Variants in CREM observed in about 807,000 individuals in gnomAD.
CREM encodes the protein cAMP responsive element modulator.
CREM carries 13 observed loss-of-function variants against 37.3 expected under a neutral mutation model. The ratio of observed to expected loss-of-function variants is 0.35; its 90% CI spans 0.23 to 0.55. CREM has a LOEUF of 0.55. Ranked by LOEUF, CREM falls within the 20% of genes least tolerant of loss-of-function variation. The probability of loss-of-function intolerance (pLI) is 0.88; values close to 1 mark genes in which losing one functional copy is unlikely to be tolerated. For synonymous variants in CREM, 124 were observed against 120.2 expected (o/e 1.03, Z -0.21); for missense variants, 296 against 362.3 (o/e 0.82, Z 1.49).
At chr10:35,189,804 C>T (rs1026279349) in intron 6 of CREM, among the ~76,000 whole-genome samples, 3 of 152,132 alleles carry the variant, frequency 2.0e-5, no homozygotes, top group African/African-American at 4.8e-5. Context: ...GCAGCACTAA[C>T]GTTAAGGAAA....
At chr10:35,177,987 A>G (rs542888549) in intron 3 of CREM, among the ~76,000 whole-genome samples, 2 of 152,264 alleles carry the variant, frequency 1.3e-5, no homozygotes, top group Admixed American at 1.3e-4. Context: ...GTGGAGGTGA[A>G]TATACACCTC....
intron 3 of CREM, among the ~76,000 whole-genome samples, chr10:35,160,858 C>T (rs903349335): frequency 9.2e-5 from 14 of 152,110 alleles, no homozygotes; most frequent in Non-Finnish European, 1.6e-4. Context: ...TGGCCTAGGC[C>T]TGTATAGTGT....
chr10:35,176,099 A>G, intron 3 of CREM: 2 of 1,428,334 alleles, frequency 1.4e-6, no homozygotes, highest in Non-Finnish European at 1.9e-6. Flanking sequence ...AAGTGCTTAT[A>G]CGCAAATCTT....
At chr10:35,170,156 G>C (rs2093740910) in intron 3 of CREM, among the ~76,000 whole-genome samples, 1 of 151,852 alleles carries the variant, frequency 6.6e-6, no homozygotes. Flanking sequence ...TAGTAGAAAC[G>C]GGGTTTCACC....
intron 2 of CREM, among the ~76,000 whole-genome samples, chr10:35,143,597 A>C (rs1388273506): frequency 1.3e-5 from 2 of 152,164 alleles, no homozygotes; most frequent in African/African-American, 4.8e-5. Context: ...TCTTCTTTTG[A>C]GTGTTGAACA....
At chr10:35,199,185 A>G (rs545018471) in intron 6 of CREM, among the ~76,000 whole-genome samples, 4 of 152,244 alleles carry the variant, frequency 2.6e-5, no homozygotes, top group East Asian at 3.8e-4. Context: ...TTTAGGTGTG[A>G]CAGCTTCTTG....
intron 1 of CREM, among the ~76,000 whole-genome samples, chr10:35,127,732 A>G (rs1262192150): frequency 1.3e-5 from 2 of 152,158 alleles, no homozygotes; most frequent in East Asian, 3.8e-4. Flanking sequence ...TGGGAAGGGC[A>G]GAGCCGCGAC....
At chr10:35,162,068 A>G (rs1474681813) in intron 3 of CREM, among the ~76,000 whole-genome samples, 2 of 152,354 alleles carry the variant, frequency 1.3e-5, no homozygotes, top group Non-Finnish European at 2.9e-5. Flanking sequence ...TATGGTATGT[A>G]TACACAATGG....
At chr10:35,204,596 C>CA (rs397845623) in intron 6 of CREM, among the ~76,000 whole-genome samples, 1,162 of 89,182 alleles carry the variant, frequency 0.013, 8 homozygotes, top group Middle Eastern at 0.023. Flanking sequence ...AACTACGTCT[C>CA]AAAAAAAAAA....
intron 5 of CREM, among the ~76,000 whole-genome samples, chr10:35,180,645 G>A (rs1388247292): frequency 6.6e-6 from 1 of 152,208 alleles, no homozygotes; most frequent in Non-Finnish European, 1.5e-5. Context: ...AATAGACCTT[G>A]AGGTTTACAT....
At chr10:35,155,796 T>A (rs2092865083) in intron 3 of CREM, among the ~76,000 whole-genome samples, 2 of 148,246 alleles carry the variant, frequency 1.3e-5, no homozygotes, top group Admixed American at 6.7e-5. Flanking sequence ...CCTGGCTAAT[T>A]GTTTTTGTAG....
intron 5 of CREM, among the ~76,000 whole-genome samples, chr10:35,185,051 A>ATTCG (rs759741375): frequency 3.3e-5 from 5 of 150,104 alleles, no homozygotes; most frequent in African/African-American, 1.2e-4. Context: ...TCATTCATTC[A>ATTCG]TTCATTCATT....
intron 5 of CREM, among the ~76,000 whole-genome samples, chr10:35,187,348 C>T (rs1029901665): frequency 4.1e-5 from 6 of 145,810 alleles, no homozygotes; most frequent in African/African-American, 1.5e-4. Context: ...CAACCTCCAA[C>T]TCCCGGGTTC....
intron 3 of CREM, chr10:35,167,535 A>G: frequency 8.6e-6 from 5 of 578,232 alleles, no homozygotes; most frequent in Middle Eastern, 9.1e-4. Flanking sequence ...TCGTGAGGGA[A>G]CCTAGCTACG....
At chr10:35,200,860 C>T (rs2095362467) in intron 6 of CREM, among the ~76,000 whole-genome samples, 1 of 152,220 alleles carries the variant, frequency 6.6e-6, no homozygotes, top group African/African-American at 2.4e-5. Context: ...CTCAGTACTA[C>T]AGATATCTTA....
chr10:35,194,678 A>G (rs1026319800), intron 6 of CREM, among the ~76,000 whole-genome samples: 3 of 151,808 alleles, frequency 2.0e-5, no homozygotes, highest in African/African-American at 7.3e-5. Context: ...AGGTGGCTGG[A>G]TATTTCTTGG....
chr10:35,205,022 CT>C (rs1214202005), intron 6 of CREM, among the ~76,000 whole-genome samples: 1 of 152,126 alleles, frequency 6.6e-6, no homozygotes, highest in Non-Finnish European at 1.5e-5. Flanking sequence ...AATTTGATAA[CT>C]TTTTAAAAAA....
intron 3 of CREM, chr10:35,176,098 T>C (rs1253930326): frequency 1.5e-5 from 22 of 1,429,124 alleles, no homozygotes; most frequent in Non-Finnish European, 2.0e-5. Context: ...GAAGTGCTTA[T>C]ACGCAAATCT....
intron 6 of CREM, among the ~76,000 whole-genome samples, chr10:35,193,988 T>A (rs2095033379): frequency 6.6e-6 from 1 of 150,428 alleles, no homozygotes; most frequent in African/African-American, 2.5e-5. Context: ...TCCCAGCTAC[T>A]TGGGAAGCTG....
Sources: gnomAD v4.1 joint callset for allele counts (sites outside exome capture counted in the v4.1 genomes callset) on GRCh38, gnomAD v4.1.1 for gene constraint, MANE v1.5 for transcripts, NCBI Gene and HGNC (gene_info 2026-07-23, HGNC 2026-07-21) for gene names.